The following ALDH4A1 variants were observed in gnomAD, a reference collection of about 807,000 sequenced individuals.
ALDH4A1 encodes delta-1-pyrroline-5-carboxylate dehydrogenase, mitochondrial.
Under a neutral mutation model 70.5 loss-of-function variants are expected in ALDH4A1, and 46 were observed. The ratio of observed to expected loss-of-function variants is 0.65; its 90% CI spans 0.51 to 0.83. The LOEUF (loss-of-function observed/expected upper bound fraction) is 0.83, where lower values mean the gene tolerates loss of function less well. Among genes scored for constraint, ALDH4A1 ranks in the 40% least tolerant of loss-of-function variants. The probability of loss-of-function intolerance (pLI) is 0.00; values close to 1 mark genes in which losing one functional copy is unlikely to be tolerated. For synonymous variants in ALDH4A1, 323 were observed against 324.3 expected (o/e 1.00, Z 0.04); for missense variants, 749 against 766.5 (o/e 0.98, Z 0.27).
At position 18,889,994 on chromosome 1, in the gene ALDH4A1, C is replaced by G; in HGVS notation, c.156+18G>C. On this transcript the variant is annotated intron_variant, in intron 2 of 14. Transcript: ENST00000375341. The stretch of plus-strand genomic sequence containing the variant: ...TCCATGCCCTGCACCTCTCGGGTGC[C>G]TCCCACCCTCCCATTACCTTTTGCA... The G allele has an allele frequency of 6.3e-7, 1 of 1,586,610 alleles. No homozygotes were observed. Among genetic ancestry groups the G allele is most frequent in the Non-Finnish European group, 8.6e-7 (1 of 1,163,872 alleles).
chr1:18,889,237 G>A lies in ALDH4A1; in HGVS notation c.249+125C>T, dbSNP rs561116103. Reference sequence around the variant, plus strand: ...ACTGGTCCACAGAATTCAAAATCTGGGGTGGGGAGGGGCACTATAAAGGCC... The same window carrying A: ...ACTGGTCCACAGAATTCAAAATCTGAGGTGGGGAGGGGCACTATAAAGGCC... On this transcript the variant is annotated intron_variant, in intron 3 of 14. Coordinates refer to ENST00000375341, the MANE Select transcript of ALDH4A1 (RefSeq NM_003748.4). 781 of 831,806 alleles carry A rather than the reference G, an allele frequency of 9.4e-4. 12 individuals are homozygous for A. The South Asian group carries it at 0.011, about 12-fold the overall frequency. 51.5% of individuals were successfully genotyped at this position (831,806 alleles called of 1,614,324 possible). A position where few individuals can be genotyped will look rare whatever the true frequency, so the allele number is the denominator to read the frequency against.
chr1:18,881,704 C>T lies in ALDH4A1; in HGVS notation c.862G>A (p.Val288Met), dbSNP rs532080912. The T allele has an allele frequency of 1.9e-6, 3 of 1,614,022 alleles. No homozygotes were observed. Among genetic ancestry groups the T allele is most frequent in the South Asian group, 2.2e-5 (2 of 91,086 alleles). ...HLCGINFTGS[V>M]PTFKHLWKQV... is the part of the protein sequence containing the mutation. ...ACACCATCCCCAGGGACTTACGGCACACTGCCTGTGAAGTTGATGCCACAG... is the reference window on the plus strand; with the variant it reads ...ACACCATCCCCAGGGACTTACGGCATACTGCCTGTGAAGTTGATGCCACAG... The change falls in exon 8 of 15, where the codon GTG (valine) becomes ATG (methionine). Residue 288 changes from valine to methionine, a missense_variant. By Grantham distance (21) the Val-to-Met change is conservative (BLOSUM62 1). Transcript: ENST00000375341.
At chr1:18,876,081 C>T (rs1025246465) in intron 12 of ALDH4A1, among the ~76,000 whole-genome samples, 1 of 152,204 alleles carries the variant, frequency 6.6e-6, no homozygotes, top group Non-Finnish European at 1.5e-5. Context: ...TTGCTGAGGG[C>T]ACTGGAAATG....
chr1:18,889,281 C>G (rs768323363), intron 3 of ALDH4A1, 81 bp downstream of exon 3: 52 of 1,312,296 alleles, frequency 4.0e-5, no homozygotes, highest in Non-Finnish European at 5.5e-5. Flanking sequence ...AGAGCCCACA[C>G]ATTATAAGCT....
chr1:18,893,864 T>G (rs79790379), intron 1 of ALDH4A1, among the ~76,000 whole-genome samples: 1,795 of 152,330 alleles, frequency 0.012, 35 homozygotes, highest in African/African-American at 0.04. Flanking sequence ...GCCTCTTTCC[T>G]CCGCACCTTA....
chr1:18,886,436 G>A (rs772747266), intron 4 of ALDH4A1, 28 bp downstream of exon 4: 36 of 1,613,448 alleles, frequency 2.2e-5, no homozygotes, highest in East Asian at 4.5e-5. Flanking sequence ...CCCTAACCCC[G>A]GGTCACCAGG....
chr1:18,876,655 T>C (rs1375558833), intron 11 of ALDH4A1, among the ~76,000 whole-genome samples, 188 bp from the exon 12 acceptor site: 1 of 6,404 alleles, frequency 1.6e-4, no homozygotes, highest in African/African-American at 3.0e-4. Flanking sequence ...AGGACAGACA[T>C]GAACACTGTG....
At chr1:18,894,866 T>G (rs1935561513) in intron 1 of ALDH4A1, among the ~76,000 whole-genome samples, 1 of 49,070 alleles carries the variant, frequency 2.0e-5, no homozygotes, top group Admixed American at 2.2e-4. Flanking sequence ...TCTTTCTTTC[T>G]TTTTTTTTTT....
At chr1:18,875,033 AGCCCCTGGCCT>A (rs1934613031) in intron 13 of ALDH4A1, among the ~76,000 whole-genome samples, 1 of 152,242 alleles carries the variant, frequency 6.6e-6, no homozygotes, top group Non-Finnish European at 1.5e-5. Flanking sequence ...CTGCCTCTGC[AGCCCCTGGCCT>A]GCCCTGCTTT....
At chr1:18,896,972 T>C (rs1018621202) in intron 1 of ALDH4A1, 7 of 449,922 alleles carry the variant, frequency 1.6e-5, no homozygotes, top group African/African-American at 1.5e-4. Flanking sequence ...CAGGCAACAT[T>C]TGTCAAGCAC....
chr1:18,894,413 C>T (rs115563206), intron 1 of ALDH4A1, among the ~76,000 whole-genome samples: 6,331 of 152,218 alleles, frequency 0.042, 149 homozygotes, highest in African/African-American at 0.069. Context: ...CGTGGTGGCA[C>T]GCGCCTATAC....
At chr1:18,887,412 A>G (rs1028589361) in intron 3 of ALDH4A1, among the ~76,000 whole-genome samples, 5 of 152,244 alleles carry the variant, frequency 3.3e-5, no homozygotes, top group African/African-American at 9.6e-5. Flanking sequence ...ATCCTGGCTA[A>G]CATGGTGAAA....
At chr1:18,877,067 G>C (rs930165447) in intron 11 of ALDH4A1, 141 bp downstream of exon 11, 1 of 1,048,422 alleles carries the variant, frequency 9.5e-7, no homozygotes, top group African/African-American at 1.6e-5. Flanking sequence ...CTGGAGGTGC[G>C]TGTGTGGCTG....
chr1:18,897,043 C>T (rs1255694563), intron 1 of ALDH4A1: 5 of 533,536 alleles, frequency 9.4e-6, no homozygotes, highest in Non-Finnish European at 1.9e-5. Flanking sequence ...GAATCCACCA[C>T]ATAAGCGTAT....
At chr1:18,891,734 T>A (rs1444012218) in intron 1 of ALDH4A1, among the ~76,000 whole-genome samples, 1 of 151,988 alleles carries the variant, frequency 6.6e-6, no homozygotes, top group Non-Finnish European at 1.5e-5. Context: ...TAGACAAAAA[T>A]CATGAAGAGA....
intron 4 of ALDH4A1, among the ~76,000 whole-genome samples, chr1:18,885,872 C>G (rs754758330): frequency 3.9e-5 from 6 of 152,230 alleles, no homozygotes; most frequent in African/African-American, 1.4e-4. Flanking sequence ...GGCCTTGGCA[C>G]TGAGTCCCGC....
At chr1:18,885,845 G>C (rs1935181620) in intron 4 of ALDH4A1, among the ~76,000 whole-genome samples, 1 of 152,198 alleles carries the variant, frequency 6.6e-6, no homozygotes, top group South Asian at 2.1e-4. Flanking sequence ...GCCCGGCCAG[G>C]TTGGTCAGCT....
intron 1 of ALDH4A1, among the ~76,000 whole-genome samples, chr1:18,895,368 C>T (rs1340494845): frequency 6.6e-6 from 1 of 152,212 alleles, no homozygotes; most frequent in Non-Finnish European, 1.5e-5. Context: ...GGCCATGCAC[C>T]GTTTCACCTC....
intron 3 of ALDH4A1, among the ~76,000 whole-genome samples, chr1:18,886,743 TCA>T (rs1935220270): frequency 1.3e-5 from 2 of 152,074 alleles, no homozygotes; most frequent in East Asian, 1.9e-4. Flanking sequence ...TCCAGAAGGC[TCA>T]GAGTCCAGGA....
Sources: allele counts gnomAD v4.1 joint callset (sites outside exome capture counted in the v4.1 genomes callset), GRCh38; gene constraint gnomAD v4.1.1; transcripts MANE v1.5; gene names NCBI Gene and HGNC (gene_info 2026-07-23, HGNC 2026-07-21).